The following AFG1L variants were observed in gnomAD, a reference collection of about 807,000 sequenced individuals.
The protein encoded by AFG1L is AFG1-like ATPase.
In AFG1L, 53 loss-of-function variants were observed where a neutral mutation model predicts 62.2. The ratio of observed to expected loss-of-function variants is 0.85; its 90% CI spans 0.68 to 1.07. The LOEUF (loss-of-function observed/expected upper bound fraction) is 1.07, where lower values mean the gene tolerates loss of function less well. Ranked by LOEUF, AFG1L falls within the 50% of genes least tolerant of loss-of-function variation. The pLI, the probability that AFG1L is intolerant of heterozygous loss-of-function variation, is 0.00. For missense variants in AFG1L, 555 were observed against 590.5 expected (o/e 0.94, Z 0.62); for synonymous variants, 228 against 210.3 (o/e 1.08, Z -0.73).
At chr6:108,416,126 C>T (rs1263475401) in intron 7 of AFG1L, among the ~76,000 whole-genome samples, 1 of 152,190 alleles carries the variant, frequency 6.6e-6, no homozygotes, top group Non-Finnish European at 1.5e-5. Flanking sequence ...TGAACAGACA[C>T]TTCTCAAAAG....
intron 11 of AFG1L, among the ~76,000 whole-genome samples, chr6:108,514,749 A>G (rs1236602722): frequency 6.6e-6 from 1 of 152,202 alleles, no homozygotes; most frequent in Non-Finnish European, 1.5e-5. Context: ...TATTCAGGAA[A>G]CCCATCTCAC....
chr6:108,339,595 G>A (rs1397460114), intron 2 of AFG1L, among the ~76,000 whole-genome samples: 1 of 151,830 alleles, frequency 6.6e-6, no homozygotes, highest in Admixed American at 6.6e-5. Flanking sequence ...ATGTAGCTGG[G>A]ATTACAGGTG....
chr6:108,342,618 AT>A (rs1778722030), intron 2 of AFG1L, among the ~76,000 whole-genome samples: 1 of 152,062 alleles, frequency 6.6e-6, no homozygotes, highest in Admixed American at 6.6e-5. Flanking sequence ...TGATCCTCTG[AT>A]TTTTCCCTTA....
intron 6 of AFG1L, among the ~76,000 whole-genome samples, chr6:108,389,708 C>T (rs1414191521): frequency 6.6e-6 from 1 of 152,158 alleles, no homozygotes; most frequent in Non-Finnish European, 1.5e-5. Context: ...TATTGGCCCC[C>T]ACTCTCCTCT....
At chr6:108,415,317 G>A (rs1162857197) in intron 7 of AFG1L, among the ~76,000 whole-genome samples, 1 of 152,152 alleles carries the variant, frequency 6.6e-6, no homozygotes, top group Non-Finnish European at 1.5e-5. Flanking sequence ...TGGATAGGAA[G>A]AATCAATATC....
chr6:108,297,934 GC>G (rs1776834117), intron 1 of AFG1L, among the ~76,000 whole-genome samples: 1 of 151,678 alleles, frequency 6.6e-6, no homozygotes, highest in Admixed American at 6.6e-5. Context: ...GTCTTGAGAG[GC>G]ATATGGAATT....
chr6:108,396,744 GCCT>G (rs1309219604), intron 6 of AFG1L, among the ~76,000 whole-genome samples: 1 of 152,154 alleles, frequency 6.6e-6, no homozygotes, highest in Admixed American at 6.5e-5. Context: ...ACCTGCCTCA[GCCT>G]CCCAAAGTGC....
intron 11 of AFG1L, among the ~76,000 whole-genome samples, chr6:108,517,935 A>G (rs1774967924): frequency 6.6e-6 from 1 of 152,242 alleles, no homozygotes; most frequent in South Asian, 2.1e-4. Flanking sequence ...AGAGAAATGC[A>G]AATCAAAACC....
At chr6:108,411,505 C>A (rs1782109228) in intron 7 of AFG1L, among the ~76,000 whole-genome samples, 1 of 152,180 alleles carries the variant, frequency 6.6e-6, no homozygotes, top group African/African-American at 2.4e-5. Flanking sequence ...AGACACCTCT[C>A]AGTAGGGCCC....
chr6:108,371,828 C>T (rs1780021349), intron 6 of AFG1L, among the ~76,000 whole-genome samples: 1 of 152,090 alleles, frequency 6.6e-6, no homozygotes, highest in African/African-American at 2.4e-5. Context: ...ATGATTATGG[C>T]TTGCTGTAAC....
chr6:108,375,182 T>C (rs1780191938), intron 6 of AFG1L, among the ~76,000 whole-genome samples: 1 of 152,190 alleles, frequency 6.6e-6, no homozygotes. Context: ...GATTTTGGTA[T>C]CCTGAAACTT....
intron 7 of AFG1L, among the ~76,000 whole-genome samples, chr6:108,414,672 A>C (rs1782278817): frequency 6.6e-6 from 1 of 152,216 alleles, no homozygotes; most frequent in African/African-American, 2.4e-5. Flanking sequence ...GACAAAAACC[A>C]CATGATTATC....
chr6:108,462,767 T>C (rs1772511793), intron 8 of AFG1L, among the ~76,000 whole-genome samples: 1 of 152,138 alleles, frequency 6.6e-6, no homozygotes, highest in African/African-American at 2.4e-5. Flanking sequence ...AGAGTGTAAA[T>C]AATAATTGTG....
At chr6:108,431,251 C>A (rs1050076545) in intron 7 of AFG1L, among the ~76,000 whole-genome samples, 1 of 151,954 alleles carries the variant, frequency 6.6e-6, no homozygotes, top group Non-Finnish European at 1.5e-5. Flanking sequence ...TTAGAGGCAC[C>A]TGCCACCACG....
intron 10 of AFG1L, among the ~76,000 whole-genome samples, chr6:108,499,070 C>CTT (rs200737971): frequency 1.4e-5 from 2 of 138,498 alleles, no homozygotes; most frequent in Admixed American, 7.1e-5. Flanking sequence ...ATAAATGTAA[C>CTT]TTTTTTTTTT....
In AFG1L at chr6:108,355,719, G is replaced by T. The variant is rs1262757235; in HGVS notation, c.481G>T (p.Val161Phe). 1 of 1,611,012 alleles carries T rather than the reference G, an allele frequency of 6.2e-7. No homozygotes were observed. The highest frequency in any genetic ancestry group is 8.5e-7 in the Non-Finnish European group (1 of 1,178,980). ...TGTGGAAATGAAGAGGAAAAAACGG[G>T]TTCATTTTCATGGTTTCATGCTAGA... The part of the protein sequence containing the change: ...AYVEMKRKKR[V>F]HFHGFMLDVH... The change falls in exon 4 of 13, where the codon GTT (valine) becomes TTT (phenylalanine). Residue 161 changes from valine (V) to phenylalanine (F), a missense_variant. Transcript: ENST00000368977.
At chr6:108,466,377 A>C (rs1772665248) in intron 8 of AFG1L, among the ~76,000 whole-genome samples, 1 of 152,156 alleles carries the variant, frequency 6.6e-6, no homozygotes, top group African/African-American at 2.4e-5. Flanking sequence ...AGTATCCCCA[A>C]AATGTGAACT....
intron 2 of AFG1L, among the ~76,000 whole-genome samples, chr6:108,333,264 G>T (rs1175951475): frequency 6.6e-6 from 1 of 152,110 alleles, no homozygotes; most frequent in East Asian, 1.9e-4. Flanking sequence ...ACAAAAATTA[G>T]CCAGGTGTGG....
intron 2 of AFG1L, among the ~76,000 whole-genome samples, chr6:108,342,439 A>C (rs764026773): frequency 2.0e-5 from 3 of 152,228 alleles, no homozygotes; most frequent in Non-Finnish European, 2.9e-5. Flanking sequence ...AAGTTGTGAG[A>C]AAATGTAAAT....
Sources: allele counts gnomAD v4.1 joint callset (sites outside exome capture counted in the v4.1 genomes callset), GRCh38; gene constraint gnomAD v4.1.1; transcripts MANE v1.5; gene names NCBI Gene and HGNC (gene_info 2026-07-23, HGNC 2026-07-21).